PDSS2: variants seen among roughly 807,000 people sequenced by gnomAD.
PDSS2 encodes the protein all trans-polyprenyl-diphosphate synthase PDSS2.
PDSS2 carries 31 observed loss-of-function variants against 44.5 expected under a neutral mutation model. The ratio of observed to expected loss-of-function variants is 0.70; its 90% confidence interval spans 0.52 to 0.94. PDSS2 has a LOEUF of 0.94. Among genes scored for constraint, PDSS2 ranks in the 40% least tolerant of loss-of-function variants. PDSS2 has a pLI of 0.00. For missense variants in PDSS2, 452 were observed against 482.2 expected, an observed-to-expected ratio of 0.94 and a Z score of 0.59; for synonymous variants, 157 against 180.3, an observed-to-expected ratio of 0.87 and a Z score of 1.03.
At chr6:107,268,531 A>C (rs1775485269) in intron 3 of PDSS2, among the ~76,000 whole-genome samples, 1 of 152,218 alleles carries the variant, frequency 6.6e-6, no homozygotes, top group African/African-American at 2.4e-5. Flanking sequence ...ACAATAGAAC[A>C]ATAACTTCTT....
At chr6:107,374,906 G>A (rs1284920357) in intron 1 of PDSS2, among the ~76,000 whole-genome samples, 2 of 151,452 alleles carry the variant, frequency 1.3e-5, no homozygotes. Context: ...TTTTCTTTGT[G>A]GCAATCTTAT....
At chr6:107,386,827 C>A (rs1156283385) in intron 1 of PDSS2, among the ~76,000 whole-genome samples, 1 of 152,168 alleles carries the variant, frequency 6.6e-6, no homozygotes, top group African/African-American at 2.4e-5. Flanking sequence ...ACCTAGCAAT[C>A]ACTTTTAGTA....
chr6:107,294,615 G>A (rs1282069222), intron 2 of PDSS2, among the ~76,000 whole-genome samples: 4 of 151,950 alleles, frequency 2.6e-5, no homozygotes, highest in African/African-American at 7.3e-5. Context: ...AGCTTAATGC[G>A]TAACTCATAA....
rs756982773 is a variant in PDSS2, at chr6:107,459,212, C to A, written c.74G>T (p.Trp25Leu). 4 of 1,614,094 alleles carry A rather than the reference C, an allele frequency of 2.5e-6. No homozygotes were observed. The highest frequency in any genetic ancestry group is 4.5e-5 in the East Asian group (2 of 44,864). The part of the protein sequence containing the change: ...GASGSPRRLW[W>L]SPSLDTISSV... Reference sequence around the variant, plus strand: ...GGAGATGGTGTCGAGGGACGGGGACCACCACAGGCGACGCGGGGAACCCGA... The same window carrying A: ...GGAGATGGTGTCGAGGGACGGGGACAACCACAGGCGACGCGGGGAACCCGA... Residue 25 changes from tryptophan (W) to leucine (L), a missense_variant, in exon 1 of 8, where the codon TGG (tryptophan) becomes TTG (leucine). Coordinates refer to ENST00000369037, the MANE Select transcript of PDSS2 (RefSeq NM_020381.4). The surrounding 1 kb of genome is among the most constrained non-coding windows in gnomAD (Gnocchi z 4.3).
chr6:107,424,576 C>T (rs907109170), intron 1 of PDSS2, among the ~76,000 whole-genome samples: 3 of 152,034 alleles, frequency 2.0e-5, no homozygotes, highest in African/African-American at 7.2e-5. Context: ...CTTTGTCTTA[C>T]TTACAAGGAC....
chr6:107,350,105 G>C (rs879631801), intron 1 of PDSS2, among the ~76,000 whole-genome samples: 1 of 152,102 alleles, frequency 6.6e-6, no homozygotes, highest in African/African-American at 2.4e-5. Flanking sequence ...CATCTCAGGC[G>C]GGAAGATCAT....
intron 1 of PDSS2, among the ~76,000 whole-genome samples, chr6:107,393,436 T>A (rs1335298779): frequency 6.6e-6 from 1 of 152,160 alleles, no homozygotes; most frequent in Admixed American, 6.5e-5. Context: ...TTAATCTAAG[T>A]GAAGTTCTAT....
intron 1 of PDSS2, among the ~76,000 whole-genome samples, chr6:107,402,574 TATATATGAG>T (rs1780180460): frequency 9.5e-6 from 1 of 105,286 alleles, no homozygotes; most frequent in Admixed American, 1.0e-4. Context: ...TACATGTGTA[TATATATGAG>T]GTTTAATGGA....
rs191010665 is a variant in PDSS2 at position 107,292,020 on chromosome 6, T to A, written c.432-17793A>T. Among the ~76,000 whole-genome samples, 18 of 152,210 alleles carry A rather than the reference T, an allele frequency of 1.2e-4. No individual in the cohort carries two copies. The East Asian group carries it at 1.4e-3, about 11-fold the overall frequency. ...TGCTGAGGGTACTGAGAGCTCTGTG[T>A]CTCTTTTAGAAAAGCTCACCCACCA... On this transcript the variant is annotated intron_variant, in intron 2 of 7. Coordinates refer to ENST00000369037, the MANE Select transcript of PDSS2 (RefSeq NM_020381.4).
At chr6:107,254,338 T>C (rs1774933028) in intron 3 of PDSS2, among the ~76,000 whole-genome samples, 1 of 151,938 alleles carries the variant, frequency 6.6e-6, no homozygotes, top group Non-Finnish European at 1.5e-5. Flanking sequence ...GGCCGAAAAA[T>C]AATTTTTTTT....
At chr6:107,164,096 C>T (rs552541510) in intron 7 of PDSS2, among the ~76,000 whole-genome samples, 99 of 152,096 alleles carry the variant, frequency 6.5e-4, no homozygotes, top group African/African-American at 2.3e-3. Context: ...TTTGGGAGTA[C>T]CTACTCATTG....
chr6:107,302,037 G>A (rs140450982), intron 2 of PDSS2, among the ~76,000 whole-genome samples: 74 of 151,370 alleles, frequency 4.9e-4, no homozygotes, highest in African/African-American at 1.8e-3. Flanking sequence ...ATAGTTGCAC[G>A]ACTCTGTAAA....
chr6:107,379,951 T>C (rs1779405883), intron 1 of PDSS2, among the ~76,000 whole-genome samples: 1 of 152,092 alleles, frequency 6.6e-6, no homozygotes, highest in South Asian at 2.1e-4. Flanking sequence ...TCTTTCTCTA[T>C]TATCAGTTTT....
intron 4 of PDSS2, among the ~76,000 whole-genome samples, chr6:107,233,962 C>T (rs1774141534): frequency 6.6e-6 from 1 of 151,254 alleles, no homozygotes; most frequent in Non-Finnish European, 1.5e-5. Context: ...AGGCTAGGAG[C>T]CCAAGACCAG....
chr6:107,360,505 A>G (rs1249042010), intron 1 of PDSS2, among the ~76,000 whole-genome samples: 1 of 152,244 alleles, frequency 6.6e-6, no homozygotes, highest in East Asian at 1.9e-4. Context: ...CCAGAGGCAT[A>G]GTTTATGAGA....
chr6:107,157,336 CACTATCCT>C (rs1554245837), intron 7 of PDSS2, among the ~76,000 whole-genome samples: 1 of 152,052 alleles, frequency 6.6e-6, no homozygotes, highest in African/African-American at 2.4e-5. Flanking sequence ...AGGCATGCAC[CACTATCCT>C]TGTTTAATTT....
chr6:107,245,527 T>C (rs1020157395), intron 4 of PDSS2, 21 bp downstream of exon 4: 17 of 1,394,716 alleles, frequency 1.2e-5, no homozygotes, highest in Non-Finnish European at 1.7e-5. Context: ...CATAACATTT[T>C]ATGACTCTGA....
chr6:107,340,579 GT>G lies in PDSS2; in HGVS notation c.297-6248del, dbSNP rs555861124. ...GAGCTGTAAGAAAAGAGCTATAATA[GT>G]AGATTCAAAGTATGGTTAAATTGAA... On this transcript the variant is annotated intron_variant, in intron 1 of 7. Coordinates refer to ENST00000369037, the MANE Select transcript of PDSS2 (RefSeq NM_020381.4). 1.5e-3 allele frequency among the ~76,000 whole-genome samples: 236 copies of G among 152,298 alleles called. 2 individuals are homozygous for G. The highest frequency in any genetic ancestry group is 5.4e-3 in the African/African-American group (226 of 41,572).
At chr6:107,411,961 C>A (rs1780514054) in intron 1 of PDSS2, among the ~76,000 whole-genome samples, 1 of 147,762 alleles carries the variant, frequency 6.8e-6, no homozygotes, top group African/African-American at 2.5e-5. Context: ...TCTTGGCTCA[C>A]TGCAACCTCC....
Sources: gnomAD v4.1 joint callset for allele counts (sites outside exome capture counted in the v4.1 genomes callset) on GRCh38, gnomAD v4.1.1 for gene constraint, Gnocchi (gnomAD v3.1) non-coding constraint, MANE v1.5 for transcripts, NCBI Gene and HGNC (gene_info 2026-07-23, HGNC 2026-07-21) for gene names.